Variants in MATCAP2 observed in about 807,000 individuals in gnomAD.
MATCAP2 encodes putative tyrosine carboxypeptidase MATCAP2.
At chr7:36,369,704 AGAT>A in the MATCAP2 span, among the ~76,000 whole-genome samples, 2 of 152,226 alleles carry the variant, frequency 1.3e-5, no homozygotes, top group African/African-American at 4.8e-5. Context: ...ACATAACAAA[AGAT>A]GATACCTATC....
chr7:36,385,787 AAAAATAAAAT>A, the MATCAP2 span, among the ~76,000 whole-genome samples: 16,550 of 119,160 alleles, frequency 0.14, 1,205 homozygotes, highest in Admixed American at 0.2. Flanking sequence ...CCCTATTTCA[AAAAATAAAAT>A]AAAATAAAAT....
the MATCAP2 span, chr7:36,366,629 G>T: frequency 6.7e-7 from 1 of 1,489,434 alleles, no homozygotes; most frequent in Non-Finnish European, 9.0e-7. Context: ...ACAATCTTTG[G>T]ATTGTACCTT....
At chr7:36,358,822 T>C in the MATCAP2 span, among the ~76,000 whole-genome samples, 105 of 152,300 alleles carry the variant, frequency 6.9e-4, no homozygotes, top group African/African-American at 2.5e-3. Flanking sequence ...TAATACAATG[T>C]AGTATATAAT....
chr7:36,387,899 C>T, the MATCAP2 span, among the ~76,000 whole-genome samples: 2 of 152,186 alleles, frequency 1.3e-5, no homozygotes, highest in South Asian at 2.1e-4. Flanking sequence ...CACACAGACA[C>T]GCCCCAAATA....
the MATCAP2 span, among the ~76,000 whole-genome samples, chr7:36,351,490 A>G: frequency 6.6e-6 from 1 of 152,182 alleles, no homozygotes. Flanking sequence ...GGTGTAGGGA[A>G]AAAGGGGCTG....
At chr7:36,390,006 C>T in the MATCAP2 span, 27 of 1,613,984 alleles carry the variant, frequency 1.7e-5, no homozygotes, top group Non-Finnish European at 2.0e-5. Flanking sequence ...TCCATCGTCT[C>T]GTAGTCCGAC....
At chr7:36,377,667 G>A in the MATCAP2 span, among the ~76,000 whole-genome samples, 2 of 152,180 alleles carry the variant, frequency 1.3e-5, no homozygotes, top group Admixed American at 1.3e-4. Flanking sequence ...GGTTGGGGAA[G>A]TTCTGCTGGA....
At chr7:36,349,399 T>C in the MATCAP2 span, among the ~76,000 whole-genome samples, 2 of 152,232 alleles carry the variant, frequency 1.3e-5, no homozygotes, top group Admixed American at 1.3e-4. Context: ...TTTCAAAATA[T>C]TATATTCTAC....
At chr7:36,361,153 T>C in the MATCAP2 span, among the ~76,000 whole-genome samples, 1 of 152,234 alleles carries the variant, frequency 6.6e-6, no homozygotes, top group African/African-American at 2.4e-5. Context: ...AGTATATATC[T>C]AGAACAGGAG....
chr7:36,345,663 G>A, the MATCAP2 span, among the ~76,000 whole-genome samples: 1 of 152,106 alleles, frequency 6.6e-6, no homozygotes, highest in Admixed American at 6.6e-5. Flanking sequence ...TTAAAAGAAT[G>A]GAGTTGGACC....
the MATCAP2 span, among the ~76,000 whole-genome samples, chr7:36,371,573 C>G: frequency 6.6e-6 from 1 of 151,826 alleles, no homozygotes; most frequent in African/African-American, 2.4e-5. Context: ...AGATCATTTT[C>G]TTTTTTGAAA....
At chr7:36,349,269 C>T in the MATCAP2 span, among the ~76,000 whole-genome samples, 1 of 152,052 alleles carries the variant, frequency 6.6e-6, no homozygotes, top group Non-Finnish European at 1.5e-5. Flanking sequence ...AGTACTTTTG[C>T]CAACAATCCA....
At chr7:36,379,301 A>C in the MATCAP2 span, among the ~76,000 whole-genome samples, 1 of 152,204 alleles carries the variant, frequency 6.6e-6, no homozygotes, top group East Asian at 1.9e-4. Context: ...GGAGTGTACG[A>C]AGGCAGACAA....
At chr7:36,334,104 C>T in the MATCAP2 span, 1 of 1,614,078 alleles carries the variant, frequency 6.2e-7, no homozygotes, top group Non-Finnish European at 8.5e-7. Flanking sequence ...TTTTTTACGT[C>T]CAGTCCAACT....
the MATCAP2 span, among the ~76,000 whole-genome samples, chr7:36,354,306 T>C: frequency 2.0e-5 from 3 of 152,208 alleles, no homozygotes; most frequent in Non-Finnish European, 4.4e-5. Flanking sequence ...TTGACAATGA[T>C]GGGGAGAACA....
chr7:36,349,033 T>C, the MATCAP2 span, among the ~76,000 whole-genome samples: 1 of 152,256 alleles, frequency 6.6e-6, no homozygotes, highest in Non-Finnish European at 1.5e-5. Flanking sequence ...AACTGAAGGA[T>C]GGTAACAGTG....
the MATCAP2 span, among the ~76,000 whole-genome samples, chr7:36,362,624 A>G: frequency 6.6e-6 from 1 of 152,224 alleles, no homozygotes; most frequent in Non-Finnish European, 1.5e-5. Context: ...ACTCTTGGTC[A>G]GATCCTTCTG....
chr7:36,364,249 G>A, the MATCAP2 span, among the ~76,000 whole-genome samples: 21 of 151,938 alleles, frequency 1.4e-4, no homozygotes, highest in African/African-American at 4.8e-4. Flanking sequence ...CATCATGCCC[G>A]GCTAATTTTT....
the MATCAP2 span, among the ~76,000 whole-genome samples, chr7:36,351,508 C>CA: frequency 1.3e-5 from 2 of 152,034 alleles, no homozygotes; most frequent in African/African-American, 4.8e-5. Flanking sequence ...CTGTCAGAAT[C>CA]ACAGTCCTTT....
Sources: allele counts gnomAD v4.1 joint callset (sites outside exome capture counted in the v4.1 genomes callset), GRCh38; gene constraint gnomAD v4.1.1; transcripts MANE v1.5; gene names NCBI Gene and HGNC (gene_info 2026-07-23, HGNC 2026-07-21).